The following DMRT1 variants were observed in gnomAD, a reference collection of about 807,000 sequenced individuals.
DMRT1 encodes the protein doublesex and mab-3 related transcription factor 1, also known as doublesex- and mab-3-related transcription factor 1.
In DMRT1, 7 loss-of-function variants were observed where a neutral mutation model predicts 32.3. The ratio of observed to expected loss-of-function variants is 0.22; its 90% CI spans 0.12 to 0.41. The LOEUF (loss-of-function observed/expected upper bound fraction) is 0.41, where lower values mean the gene tolerates loss of function less well. DMRT1 is among the 10% of genes least tolerant of loss of function. The probability of loss-of-function intolerance (pLI) is 1.00; values close to 1 mark genes in which losing one functional copy is unlikely to be tolerated. For synonymous variants in DMRT1, 278 were observed against 206.1 expected (o/e 1.35, Z -2.99); for missense variants, 625 against 500.5 (o/e 1.25, Z -2.37).
chr9:903,839 G>A (rs1564239358), intron 3 of DMRT1, among the ~76,000 whole-genome samples: 1 of 152,184 alleles, frequency 6.6e-6, no homozygotes, highest in Non-Finnish European at 1.5e-5. Flanking sequence ...CTAAGGGATT[G>A]TTTTTTCAGT....
intron 2 of DMRT1, among the ~76,000 whole-genome samples, chr9:868,345 A>T (rs111578870): frequency 1.3e-5 from 2 of 152,198 alleles, no homozygotes; most frequent in African/African-American, 4.8e-5. Flanking sequence ...GCTGTATTCT[A>T]TATTTGCCTC....
At chr9:913,507 A>G (rs1818062116) in intron 3 of DMRT1, among the ~76,000 whole-genome samples, 1 of 152,240 alleles carries the variant, frequency 6.6e-6, no homozygotes, top group Non-Finnish European at 1.5e-5. Context: ...GTGTATAAAA[A>G]TAAAAAAAGA....
At chr9:860,344 A>G (rs1224791565) in intron 2 of DMRT1, among the ~76,000 whole-genome samples, 1 of 152,130 alleles carries the variant, frequency 6.6e-6, no homozygotes, top group African/African-American at 2.4e-5. Context: ...ACAAAATACA[A>G]ATTAGTTCAG....
intron 3 of DMRT1, among the ~76,000 whole-genome samples, chr9:915,046 G>C (rs892041154): frequency 6.6e-6 from 1 of 152,178 alleles, no homozygotes; most frequent in Non-Finnish European, 1.5e-5. Context: ...TAAAATACTT[G>C]ATTGAAAAAC....
At chr9:881,973 C>G (rs553880976) in intron 2 of DMRT1, among the ~76,000 whole-genome samples, 1 of 152,224 alleles carries the variant, frequency 6.6e-6, no homozygotes, top group East Asian at 1.9e-4. Flanking sequence ...GGCCGTGAGA[C>G]AGGCTTTCAT....
At chr9:878,200 G>GCTCCCCC (rs1816584290) in intron 2 of DMRT1, among the ~76,000 whole-genome samples, 1 of 94,040 alleles carries the variant, frequency 1.1e-5, no homozygotes, top group Non-Finnish European at 2.0e-5. Flanking sequence ...TGCAGCTGCT[G>GCTCCCCC]CCCCCCCCCC....
chr9:898,189 G>C (rs950744220), intron 3 of DMRT1, among the ~76,000 whole-genome samples: 2 of 149,652 alleles, frequency 1.3e-5, no homozygotes, highest in Non-Finnish European at 3.0e-5. Flanking sequence ...GCGTGATCTT[G>C]GCTCACTGCA....
intron 4 of DMRT1, among the ~76,000 whole-genome samples, chr9:950,307 A>G (rs1819387644): frequency 6.6e-6 from 1 of 152,096 alleles, no homozygotes; most frequent in Admixed American, 6.6e-5. Flanking sequence ...AAGAAGAGGA[A>G]AGCTCACTGC....
chr9:910,529 TAAA>T (rs903803527), intron 3 of DMRT1, among the ~76,000 whole-genome samples: 1 of 150,706 alleles, frequency 6.6e-6, no homozygotes, highest in Non-Finnish European at 1.5e-5. Context: ...TTTTTTTTTT[TAAA>T]AAAAGAAGTG....
intron 2 of DMRT1, among the ~76,000 whole-genome samples, chr9:868,276 C>T (rs1318541976): frequency 1.3e-5 from 2 of 152,126 alleles, no homozygotes; most frequent in Non-Finnish European, 2.9e-5. Flanking sequence ...CTGCACCTGG[C>T]CTGAAAGAAA....
chr9:877,074 A>T (rs1816534539), intron 2 of DMRT1, among the ~76,000 whole-genome samples: 1 of 151,024 alleles, frequency 6.6e-6, no homozygotes, highest in South Asian at 2.1e-4. Flanking sequence ...AAGGGATGAA[A>T]TTACCTCCAA....
intron 2 of DMRT1, among the ~76,000 whole-genome samples, chr9:884,203 G>A (rs1816838042): frequency 2.0e-5 from 3 of 152,006 alleles, no homozygotes; most frequent in African/African-American, 7.3e-5. Context: ...AAAGAGGGGG[G>A]CAAGCCTTCA....
intron 4 of DMRT1, among the ~76,000 whole-genome samples, chr9:920,388 G>A (rs189798621): frequency 1.6e-3 from 241 of 152,276 alleles, no homozygotes; most frequent in African/African-American, 5.5e-3. Flanking sequence ...TGCCTTAGAA[G>A]CCAAATTAAA....
intron 2 of DMRT1, among the ~76,000 whole-genome samples, chr9:867,406 G>A (rs910867969): frequency 3.3e-5 from 5 of 152,294 alleles, no homozygotes; most frequent in Middle Eastern, 3.4e-3. Flanking sequence ...CATGCAGTCG[G>A]TTTAATTCTC....
intron 2 of DMRT1, among the ~76,000 whole-genome samples, chr9:891,338 T>C (rs1817140789): frequency 6.6e-6 from 1 of 151,784 alleles, no homozygotes; most frequent in African/African-American, 2.4e-5. Flanking sequence ...GTATTCCCAA[T>C]TACTTGGGCT....
Position 928,485 on chromosome 9 carries a change from G to A in DMRT1, c.967+11578G>A, listed in dbSNP as rs554636096. Among the ~76,000 whole-genome samples, 3 of 152,274 alleles carry A rather than the reference G, an allele frequency of 2.0e-5. No homozygotes were observed. The East Asian group carries it at 5.8e-4, about 29-fold the overall frequency. On this transcript the variant is annotated intron_variant, in intron 4 of 4. Coordinates refer to ENST00000382276, the MANE Select transcript of DMRT1 (RefSeq NM_021951.3). ...ATACTCTCTGCCTCTTAGTTGCAGTGTCTTCTTACTAGAGATGATTAACTC... is the reference window on the plus strand; with the variant it reads ...ATACTCTCTGCCTCTTAGTTGCAGTATCTTCTTACTAGAGATGATTAACTC...
chr9:885,531 T>G (rs1269281572), intron 2 of DMRT1, among the ~76,000 whole-genome samples: 2 of 152,214 alleles, frequency 1.3e-5, no homozygotes, highest in African/African-American at 4.8e-5. Flanking sequence ...GGCCCATCAA[T>G]GACCTGCCAG....
At chr9:954,659 A>G (rs111691832) in intron 4 of DMRT1, among the ~76,000 whole-genome samples, 1 of 151,604 alleles carries the variant, frequency 6.6e-6, no homozygotes, top group African/African-American at 2.4e-5. Context: ...TATTATTATT[A>G]TTTTTTAGAG....
At chr9:874,601 T>G (rs1380825991) in intron 2 of DMRT1, among the ~76,000 whole-genome samples, 1 of 152,106 alleles carries the variant, frequency 6.6e-6, no homozygotes. Context: ...AGGGCCATGA[T>G]GCCTGAAAGG....
Sources: allele counts gnomAD v4.1 joint callset (sites outside exome capture counted in the v4.1 genomes callset), GRCh38; gene constraint gnomAD v4.1.1; transcripts MANE v1.5; gene names NCBI Gene and HGNC (gene_info 2026-07-23, HGNC 2026-07-21).